The following MRPL46 variants were observed in gnomAD, a reference collection of about 807,000 sequenced individuals.
MRPL46 encodes large ribosomal subunit protein mL46.
In MRPL46, 26 loss-of-function variants were observed where a neutral mutation model predicts 31.0. The observed-to-expected ratio is 0.84, with a 90% CI of 0.61 to 1.16. MRPL46 has a LOEUF of 1.16. Ranked by LOEUF, MRPL46 falls within the 50% of genes most tolerant of loss-of-function variation. The pLI, the probability that MRPL46 is intolerant of heterozygous loss-of-function variation, is 0.00. For synonymous variants in MRPL46, 159 were observed against 141.3 expected, an observed-to-expected ratio of 1.13 and a Z score of -0.89; for missense variants, 395 against 340.0, an observed-to-expected ratio of 1.16 and a Z score of -1.27.
chr15:88,459,748 T>C lies in MRPL46; in HGVS notation c.705A>G (p.Lys235=), dbSNP rs1363086251. The change falls in exon 4 of 4, where the codon AAA becomes AAG. Residue 235 remains lysine, a synonymous_variant. Transcript: ENST00000312475. The part of the protein sequence containing the change: ...SNLGAKVFFF[K]ALLLTGDFSQ... ...AAAAGTCTCCAGTTAATAGCAGTGC[T>C]TTGAAGAAGAACACCTTGGCTCCGA... 13 of 1,614,098 alleles carry C rather than the reference T, an allele frequency of 8.1e-6. No homozygotes were observed. Among genetic ancestry groups the C allele is most frequent in the African/African-American group, 1.3e-5 (1 of 74,932 alleles).
intron 2 of MRPL46, 142 bp from the exon 3 acceptor site, chr15:88,465,018 C>G (rs530123742): frequency 4.7e-5 from 39 of 829,290 alleles, no homozygotes; most frequent in Non-Finnish European, 6.7e-5. Flanking sequence ...ACCCATCTCT[C>G]TAACTCTGAC....
chr15:88,459,908 C>G (rs755221823), intron 3 of MRPL46, 45 bp from the exon 4 acceptor site: 1 of 1,608,564 alleles, frequency 6.2e-7, no homozygotes, highest in Non-Finnish European at 8.5e-7. Flanking sequence ...GGTAAGGATA[C>G]AGCCATCTGT....
chr15:88,464,922 A>G (rs756630406), intron 2 of MRPL46, 46 bp from the exon 3 acceptor site: 5 of 1,569,174 alleles, frequency 3.2e-6, no homozygotes, highest in Non-Finnish European at 1.7e-6. Flanking sequence ...GTGATCTGCC[A>G]GAACCAAGAA....
chr15:88,465,472 A>G, intron 2 of MRPL46, 115 bp downstream of exon 2: 1 of 1,128,154 alleles, frequency 8.9e-7, no homozygotes, highest in East Asian at 2.5e-5. Context: ...CAAAGAAAAG[A>G]ATATGAAATT....
Position 88,464,863 on chromosome 15 carries a change from C to T in MRPL46, c.429G>A (p.Lys143=), listed in dbSNP as rs2055509070. 1 of 1,613,760 alleles carries T rather than the reference C, an allele frequency of 6.2e-7. No individual in the cohort carries two copies. Residue 143 remains lysine (K), a synonymous_variant, in exon 3 of 4, where the codon AAG becomes AAA. Coordinates refer to ENST00000312475, the MANE Select transcript of MRPL46 (RefSeq NM_022163.4). The part of the protein sequence containing the change: ...LGARITEADE[K]NDRTSLNRKL... ...TCCTGTTCAGGGATGTTCGGTCATT[C>T]TTTTCATCAGCTTCTACAGCAAAGG...
rs1191109398 is a variant in MRPL46 at position 88,462,379 on chromosome 15, AAC to A, written c.589+2322_589+2323del. On this transcript the variant is annotated intron_variant, in intron 3 of 3. Coordinates refer to ENST00000312475, the MANE Select transcript of MRPL46 (RefSeq NM_022163.4). ...AAATATAAACAAATTAAAAAGAAAA[AAC>A]AGCTTATTACAAAGATGAGCGAACG... 9 of 152,370 alleles carry A rather than the reference AAC, an allele frequency of 5.9e-5. No homozygotes were observed. In the East Asian group the frequency reaches 1.5e-3, roughly 26 times the overall value. The allele number at this position is 152,370 out of a possible 1,614,324, so 9.4% of individuals were successfully genotyped here. A position where few individuals can be genotyped will look rare whatever the true frequency, so the allele number is the denominator to read the frequency against.
rs1046995287 is a variant in MRPL46, at chr15:88,463,906, G to T, written c.589+797C>A. ...GGAAACCTTTTAAGAATTCCATGCA[G>T]AGAAGTGACAAGGGATGTGTGTTTC... On this transcript the variant is annotated intron_variant, in intron 3 of 3. Coordinates refer to ENST00000312475, the MANE Select transcript of MRPL46 (RefSeq NM_022163.4). This position sits in a 1 kb window ranked among gnomAD's most constrained non-coding sequence, Gnocchi z 5.4. 4 of 152,212 alleles carry T rather than the reference G, an allele frequency of 2.6e-5. No individual in the cohort carries two copies. The highest frequency in any genetic ancestry group is 9.6e-5 in the African/African-American group (4 of 41,452). 9.4% of individuals were successfully genotyped at this position (152,212 alleles called of 1,614,324 possible). A position where few individuals can be genotyped will look rare whatever the true frequency, so the allele number is the denominator to read the frequency against.
chr15:88,465,797 A>T (rs1332205722), intron 1 of MRPL46, 24 bp from the exon 2 acceptor site: 2 of 1,554,802 alleles, frequency 1.3e-6, no homozygotes, highest in Non-Finnish European at 1.7e-6. Context: ...AAGGGCAAAA[A>T]ACTACCTTAA....
Position 88,464,746 on chromosome 15 carries a change from C to T in MRPL46, c.546G>A (p.Glu182=). The part of the protein sequence containing the change: ...ILPQAEWQPG[E]TLRGTAERTL... The stretch of plus-strand genomic sequence containing the variant: ...TTCGTTCAGCTGTTCCTCGAAGGGT[C>T]TCCCCAGGCTGCCACTCTGCCTGGG... The change falls in exon 3 of 4, where the codon GAG becomes GAA. Residue 182 remains glutamate, a synonymous_variant. Coordinates refer to ENST00000312475, the MANE Select transcript of MRPL46 (RefSeq NM_022163.4). The T allele has an allele frequency of 1.2e-6, 2 of 1,614,074 alleles. No individual in the cohort carries two copies. The highest frequency in any genetic ancestry group is 1.7e-6 in the Non-Finnish European group (2 of 1,180,004).
chr15:88,464,384 A>C, intron 3 of MRPL46: 10 of 307,272 alleles, frequency 3.3e-5, no homozygotes, highest in South Asian at 3.1e-4. Context: ...GTGAACAGAT[A>C]AGCAGTGATG....
intron 1 of MRPL46, among the ~76,000 whole-genome samples, chr15:88,466,123 G>A (rs1213000379): frequency 6.6e-6 from 1 of 152,130 alleles, no homozygotes; most frequent in Admixed American, 6.5e-5. Context: ...TCCTGTTCAG[G>A]GACTTTCAAG....
chr15:88,459,603 G>C lies in MRPL46; in HGVS notation c.*10C>G. 1 of 1,613,642 alleles carries C rather than the reference G, an allele frequency of 6.2e-7. No homozygotes were observed. The highest frequency in any genetic ancestry group is 8.5e-7 in the Non-Finnish European group (1 of 1,180,004). Reference sequence around the variant, plus strand: ...CTTGTCTGAGCACCGTCCACAGGCAGCTCGGCCCATCAGAGGTCTGAAACA... The same window carrying C: ...CTTGTCTGAGCACCGTCCACAGGCACCTCGGCCCATCAGAGGTCTGAAACA... On this transcript the variant is annotated 3_prime_UTR_variant, in exon 4 of 4. Transcript: ENST00000312475.
intron 3 of MRPL46, chr15:88,462,568 T>A (rs1055889808): frequency 2.6e-5 from 4 of 152,096 alleles, no homozygotes; most frequent in African/African-American, 9.7e-5. Flanking sequence ...GTCAGTGAGG[T>A]TTAGACAAAG....
chr15:88,462,537 T>G (rs1347166109), intron 3 of MRPL46: 1 of 152,190 alleles, frequency 6.6e-6, no homozygotes, highest in Non-Finnish European at 1.5e-5. Context: ...GAGCAAAATT[T>G]TAAAAGCAAC....
Position 88,464,705 on chromosome 15 carries a change from G to C in MRPL46, c.587C>G (p.Ser196Ter), listed in dbSNP as rs766243677. The C allele has an allele frequency of 5.6e-6, 9 of 1,611,448 alleles. No individual in the cohort carries two copies. The highest frequency in any genetic ancestry group is 1.3e-5 in the African/African-American group (1 of 74,492). Residue 196 changes from serine (S) to a stop codon, truncating the protein, a stop_gained and splice_region_variant, in exon 3 of 4, where the codon TCA (serine) becomes TGA (stop). Coordinates refer to ENST00000312475, the MANE Select transcript of MRPL46 (RefSeq NM_022163.4). LOFTEE classifies it high-confidence loss of function. ...GTAERTLATLSENNMEAKFLG... is the reference protein window; with the variant it reads ...GTAERTLATL The stretch of plus-strand genomic sequence containing the variant: ...TTAGAGGAAGGCAGAAAACCCACCT[G>C]AGAGTGTGGCCAGGGTTCGTTCAGC...
Position 88,464,707 on chromosome 15 carries a change from G to GA in MRPL46, c.584dup (p.Ser196LeufsTer31), listed in dbSNP as rs763706766. On this transcript the variant is annotated frameshift_variant, in exon 3 of 4. Transcript: ENST00000312475. LOFTEE classifies it high-confidence loss of function. ...AGAGGAAGGCAGAAAACCCACCTGA[G>GA]AGTGTGGCCAGGGTTCGTTCAGCTG... 5.0e-6 allele frequency: 8 copies of GA among 1,612,296 alleles called. No individual in the cohort carries two copies. Among genetic ancestry groups the GA allele is most frequent in the Non-Finnish European group, 5.9e-6 (7 of 1,179,256 alleles).
intron 2 of MRPL46, 136 bp from the exon 3 acceptor site, chr15:88,465,012 A>G: frequency 1.1e-6 from 1 of 940,928 alleles, no homozygotes; most frequent in Non-Finnish European, 1.6e-6. Context: ...ACCTCGACCC[A>G]TCTCTCTAAC....
chr15:88,459,833 TTTCCTAGGAACTTGGC>T lies in MRPL46; in HGVS notation c.604_619del (p.Ala202MetfsTer33), dbSNP rs1477673778. On this transcript the variant is annotated frameshift_variant, in exon 4 of 4. Transcript: ENST00000312475. LOFTEE classifies it high-confidence loss of function. ...GAATGTGTAGTGCCCACAGGGTGCA[TTTCCTAGGAACTTGGC>T]TTCCATGTTGTTTTCTGAAGAGGGA... 2 of 1,614,014 alleles carry T rather than the reference TTTCCTAGGAACTTGGC, an allele frequency of 1.2e-6. No homozygotes were observed. Among genetic ancestry groups the T allele is most frequent in the African/African-American group, 2.7e-5 (2 of 74,920 alleles).
intron 2 of MRPL46, 79 bp from the exon 3 acceptor site, chr15:88,464,955 T>C: frequency 6.7e-7 from 1 of 1,495,982 alleles, no homozygotes. Context: ...ACAATCTTCC[T>C]TTAAGATCCA....
Sources: allele counts gnomAD v4.1 joint callset (sites outside exome capture counted in the v4.1 genomes callset), GRCh38; gene constraint gnomAD v4.1.1; non-coding constraint Gnocchi (gnomAD v3.1); transcripts MANE v1.5; gene names NCBI Gene and HGNC (gene_info 2026-07-23, HGNC 2026-07-21).